Variants in BTBD9 observed in about 807,000 individuals in gnomAD.
BTBD9 encodes BTB/POZ domain-containing protein 9.
In BTBD9, 49 loss-of-function variants were observed where a neutral mutation model predicts 64.3. The ratio of observed to expected loss-of-function variants is 0.76; its 90% CI spans 0.61 to 0.97. The LOEUF is 0.97. Among genes scored for constraint, BTBD9 ranks in the 50% least tolerant of loss-of-function variants. The pLI, the probability that BTBD9 is intolerant of heterozygous loss-of-function variation, is 0.00. For synonymous variants in BTBD9, 260 were observed against 274.7 expected, an observed-to-expected ratio of 0.95 and a Z score of 0.53; for missense variants, 598 against 762.1, an observed-to-expected ratio of 0.78 and a Z score of 2.53.
intron 8 of BTBD9, among the ~76,000 whole-genome samples, chr6:38,257,063 C>CTTT (rs745545678): frequency 4.5e-5 from 5 of 111,336 alleles, no homozygotes; most frequent in Non-Finnish European, 7.6e-5. Context: ...TTGCACACTT[C>CTTT]TTTTTTTTTT....
chr6:38,568,790 C>T (rs375144969), intron 6 of BTBD9, among the ~76,000 whole-genome samples: 81 of 152,240 alleles, frequency 5.3e-4, no homozygotes, highest in African/African-American at 1.6e-3. Flanking sequence ...GGGGTACTTT[C>T]TTTACTTCTT....
chr6:38,196,650 T>C (rs569813722), intron 9 of BTBD9, among the ~76,000 whole-genome samples: 2 of 152,330 alleles, frequency 1.3e-5, no homozygotes, highest in South Asian at 4.1e-4. Context: ...ATGTGCAAGA[T>C]GTAGTGCCCC....
intron 6 of BTBD9, among the ~76,000 whole-genome samples, chr6:38,413,431 A>G (rs1178596136): frequency 6.6e-6 from 1 of 152,214 alleles, no homozygotes; most frequent in Non-Finnish European, 1.5e-5. Flanking sequence ...GCTGGCATCC[A>G]ATTTTTATTT....
intron 6 of BTBD9, among the ~76,000 whole-genome samples, chr6:38,410,836 T>G (rs1767393842): frequency 6.6e-6 from 1 of 152,168 alleles, no homozygotes; most frequent in Admixed American, 6.5e-5. Flanking sequence ...AAGACCAGCC[T>G]GGGTAACATA....
intron 6 of BTBD9, among the ~76,000 whole-genome samples, chr6:38,348,543 T>C (rs1400875413): frequency 1.3e-5 from 2 of 152,196 alleles, no homozygotes; most frequent in Non-Finnish European, 2.9e-5. Flanking sequence ...AAGGCAGATA[T>C]GCAACAGATT....
intron 9 of BTBD9, among the ~76,000 whole-genome samples, chr6:38,209,661 A>G (rs1762766325): frequency 6.6e-6 from 1 of 152,134 alleles, no homozygotes; most frequent in Admixed American, 6.5e-5. Flanking sequence ...GGTGATTTCA[A>G]TGTATGGCCA....
At position 38,168,960 on chromosome 6, in the gene BTBD9, A is replaced by G. The variant is rs72853658; in HGVS notation, c.*6025T>C. 18,885 of 152,190 alleles carry G rather than the reference A, an allele frequency of 0.12. 1,250 individuals carry two copies. The highest frequency in any genetic ancestry group is 0.14 in the Non-Finnish European group (9,730 of 68,052). 9.4% of individuals were successfully genotyped at this position (152,190 alleles called of 1,614,324 possible). A position where few individuals can be genotyped will look rare whatever the true frequency, so the allele number is the denominator to read the frequency against. ...AAGGACCAGGGAGCGTGTGATGGAG[A>G]GATTTCTCACTGTTCTTCTGAGGGG... On this transcript the variant is annotated 3_prime_UTR_variant, in exon 11 of 11. Coordinates refer to ENST00000481247, the MANE Select transcript of BTBD9 (RefSeq NM_001099272.2).
chr6:38,344,820 T>C (rs1421039181), intron 7 of BTBD9, among the ~76,000 whole-genome samples, 164 bp downstream of exon 7: 1 of 152,220 alleles, frequency 6.6e-6, no homozygotes. Context: ...ATTACTATAT[T>C]GAATACTTCT....
At chr6:38,210,064 CG>C (rs1359686945) in intron 9 of BTBD9, among the ~76,000 whole-genome samples, 1 of 152,058 alleles carries the variant, frequency 6.6e-6, no homozygotes, top group Non-Finnish European at 1.5e-5. Flanking sequence ...TGAATGACTA[CG>C]TGGGGAGACA....
intron 8 of BTBD9, among the ~76,000 whole-genome samples, chr6:38,284,745 G>C (rs1320726672): frequency 2.0e-5 from 3 of 152,190 alleles, no homozygotes; most frequent in East Asian, 3.9e-4. Context: ...TTACTGAAGA[G>C]GGATCTATCA....
intron 8 of BTBD9, among the ~76,000 whole-genome samples, chr6:38,287,610 C>G (rs1336664078): frequency 6.6e-6 from 1 of 152,104 alleles, no homozygotes; most frequent in Non-Finnish European, 1.5e-5. Flanking sequence ...ACCATCTAGC[C>G]TAGGTGTGTG....
chr6:38,493,830 G>A (rs767799340), intron 6 of BTBD9, among the ~76,000 whole-genome samples: 6 of 152,224 alleles, frequency 3.9e-5, no homozygotes, highest in Middle Eastern at 3.4e-3. Context: ...TGGTTTTAGC[G>A]TTTTTAACTT....
At chr6:38,435,058 G>T (rs544188415) in intron 6 of BTBD9, among the ~76,000 whole-genome samples, 121 of 151,886 alleles carry the variant, frequency 8.0e-4, no homozygotes, top group Non-Finnish European at 1.5e-3. Context: ...GCCAGGCATG[G>T]TGGCACATGC....
rs574008921 is a variant in BTBD9 at position 38,209,291 on chromosome 6, C to G, written c.1563-16694G>C. On this transcript the variant is annotated intron_variant, in intron 9 of 10. Coordinates refer to ENST00000481247, the MANE Select transcript of BTBD9 (RefSeq NM_001099272.2). ...ATAGAGCTCGGTGTTAAAATGGACT[C>G]TTGTACAGTAATCTCACCAGGTTCA... Among the ~76,000 whole-genome samples the G allele has an allele frequency of 1.8e-3, 277 of 152,312 alleles. 1 individual carries two copies. The highest frequency in any genetic ancestry group is 6.2e-3 in the African/African-American group (258 of 41,562).
chr6:38,547,983 T>C (rs907469753), intron 6 of BTBD9, among the ~76,000 whole-genome samples: 4 of 152,208 alleles, frequency 2.6e-5, no homozygotes, highest in South Asian at 2.1e-4. Context: ...AAAATTTTGC[T>C]AGGTTCTAAG....
chr6:38,374,353 A>T (rs866073513), intron 6 of BTBD9, among the ~76,000 whole-genome samples: 14 of 134,440 alleles, frequency 1.0e-4, no homozygotes, highest in South Asian at 2.4e-4. Flanking sequence ...CTCAAACTAT[A>T]TAAGAGTAAG....
intron 6 of BTBD9, among the ~76,000 whole-genome samples, chr6:38,431,557 C>T (rs1404177632): frequency 6.6e-6 from 1 of 152,156 alleles, no homozygotes; most frequent in African/African-American, 2.4e-5. Context: ...CTGCTCCTCC[C>T]CATTGTCTTA....
chr6:38,546,871 T>C (rs1257423023), intron 6 of BTBD9, among the ~76,000 whole-genome samples: 1 of 152,108 alleles, frequency 6.6e-6, no homozygotes, highest in Admixed American at 6.6e-5. Flanking sequence ...TTTCATCATG[T>C]TGGTCAGACT....
intron 1 of BTBD9, among the ~76,000 whole-genome samples, chr6:38,625,880 A>G (rs146967927): frequency 5.3e-4 from 81 of 152,366 alleles, no homozygotes; most frequent in African/African-American, 1.6e-3. Context: ...AGTGCTTCAC[A>G]TGTAACAGTC....
Sources: allele counts gnomAD v4.1 joint callset (sites outside exome capture counted in the v4.1 genomes callset), GRCh38; gene constraint gnomAD v4.1.1; transcripts MANE v1.5; gene names NCBI Gene and HGNC (gene_info 2026-07-23, HGNC 2026-07-21).